Variants in PIBF1 observed in about 807,000 individuals in gnomAD.
PIBF1 encodes the protein progesterone immunomodulatory binding factor 1, also known as progesterone-induced-blocking factor 1.
PIBF1 carries 90 observed loss-of-function variants against 112.5 expected under a neutral mutation model. The observed-to-expected ratio is 0.80, with a 90% CI of 0.67 to 0.95. PIBF1 has a LOEUF of 0.95. PIBF1 is among the 40% of genes least tolerant of loss of function. The pLI is 0.00. For missense variants in PIBF1, 915 were observed against 852.3 expected (o/e 1.07, Z -0.92); for synonymous variants, 301 against 288.6 (o/e 1.04, Z -0.44).
chr13:72,968,370 G>A lies in PIBF1; in HGVS notation c.1964+2966G>A, dbSNP rs910334690. On this transcript the variant is annotated intron_variant, in intron 15 of 17. Transcript: ENST00000326291. ...GACTGGAGTGCAATGGCGCGATCTC[G>A]GCTCACTGCAACCTCCACCTCCCAG... 2.0e-5 allele frequency among the ~76,000 whole-genome samples: 3 copies of A among 150,828 alleles called. No homozygotes were observed. The South Asian group carries it at 6.4e-4, about 32-fold the overall frequency.
chr13:72,808,087 C>T (rs778062332), intron 5 of PIBF1, among the ~76,000 whole-genome samples: 23 of 152,006 alleles, frequency 1.5e-4, no homozygotes, highest in Non-Finnish European at 1.6e-4. Flanking sequence ...GAGTTATTTC[C>T]GATTCAGAGA....
chr13:72,790,421 T>TCACACACACA (rs57599910), intron 2 of PIBF1, among the ~76,000 whole-genome samples: 4,033 of 135,548 alleles, frequency 0.03, 96 homozygotes, highest in East Asian at 0.042. Context: ...GAGGAGTCCA[T>TCACACACACA]CACACACACA....
chr13:72,894,774 T>A (rs199640098), intron 11 of PIBF1, among the ~76,000 whole-genome samples: 728 of 55,058 alleles, frequency 0.013, 3 homozygotes, highest in African/African-American at 0.042. Context: ...ATATATATAG[T>A]GTGTGTGTGT....
intron 17 of PIBF1, among the ~76,000 whole-genome samples, chr13:73,007,861 G>C (rs1248614510): frequency 6.6e-6 from 1 of 150,416 alleles, no homozygotes; most frequent in Non-Finnish European, 1.5e-5. Context: ...CCCCATACAA[G>C]AACAGACCAT....
intron 13 of PIBF1, among the ~76,000 whole-genome samples, chr13:72,927,695 C>G (rs1308862674): frequency 6.6e-6 from 1 of 151,522 alleles, no homozygotes. Context: ...TGATGAAAAA[C>G]AGTTATATTT....
At chr13:72,927,280 C>T (rs970848099) in intron 13 of PIBF1, among the ~76,000 whole-genome samples, 2 of 151,884 alleles carry the variant, frequency 1.3e-5, no homozygotes, top group South Asian at 4.1e-4. Context: ...CCGAGGTGGG[C>T]GGATCACGAG....
At chr13:72,878,719 G>A (rs9573051) in intron 10 of PIBF1, among the ~76,000 whole-genome samples, 41,188 of 152,016 alleles carry the variant, frequency 0.27, 6,763 homozygotes, top group East Asian at 0.47. Flanking sequence ...TAATACTAGC[G>A]TGTTGAAGTC....
At chr13:73,004,217 G>A (rs908724908) in intron 17 of PIBF1, among the ~76,000 whole-genome samples, 4 of 152,084 alleles carry the variant, frequency 2.6e-5, no homozygotes, top group Admixed American at 2.0e-4. Context: ...TTGGCCAGGC[G>A]CGGTGGCTCA....
chr13:72,887,340 ATG>A (rs981993146), intron 10 of PIBF1, among the ~76,000 whole-genome samples: 2 of 151,940 alleles, frequency 1.3e-5, no homozygotes, highest in African/African-American at 4.8e-5. Context: ...ATGGATATAT[ATG>A]TGTGTGAATA....
intron 6 of PIBF1, among the ~76,000 whole-genome samples, chr13:72,825,678 CAA>C (rs2036774686): frequency 6.6e-6 from 1 of 152,188 alleles, no homozygotes; most frequent in Non-Finnish European, 1.5e-5. Flanking sequence ...CATATATTAA[CAA>C]GAGAGAGGGT....
intron 17 of PIBF1, among the ~76,000 whole-genome samples, chr13:73,003,901 G>A (rs907153473): frequency 5.9e-5 from 9 of 151,896 alleles, no homozygotes; most frequent in African/African-American, 1.9e-4. Context: ...TGTAGAGACA[G>A]GGTCTCACTG....
intron 17 of PIBF1, among the ~76,000 whole-genome samples, chr13:73,014,763 T>C (rs2044332658): frequency 3.6e-4 from 1 of 2,752 alleles, no homozygotes; most frequent in Non-Finnish European, 8.8e-3. Context: ...TGATCACAGC[T>C]CACTTCAGCC....
chr13:72,999,107 T>C, intron 17 of PIBF1, 112 bp downstream of exon 17: 1 of 672,230 alleles, frequency 1.5e-6, no homozygotes, highest in Non-Finnish European at 2.5e-6. Flanking sequence ...CACAAATATG[T>C]TTCATGAAAA....
intron 8 of PIBF1, among the ~76,000 whole-genome samples, chr13:72,834,779 C>T (rs1426743875): frequency 6.6e-6 from 1 of 152,102 alleles, no homozygotes; most frequent in African/African-American, 2.4e-5. Flanking sequence ...GCTAAAAGAT[C>T]ACGGTGTGGC....
intron 9 of PIBF1, among the ~76,000 whole-genome samples, chr13:72,850,098 C>T (rs1594046978): frequency 6.6e-6 from 1 of 152,088 alleles, no homozygotes; most frequent in Non-Finnish European, 1.5e-5. Context: ...AATTATGCTG[C>T]GTTTTGCTAA....
chr13:72,991,624 C>A (rs1004482012), intron 16 of PIBF1, among the ~76,000 whole-genome samples: 1 of 152,020 alleles, frequency 6.6e-6, no homozygotes, highest in Admixed American at 6.6e-5. Context: ...TTTGGTGGCT[C>A]ACACCTGTAA....
At chr13:72,820,542 A>G (rs1249244140) in intron 5 of PIBF1, among the ~76,000 whole-genome samples, 3 of 152,176 alleles carry the variant, frequency 2.0e-5, no homozygotes, top group African/African-American at 7.2e-5. Flanking sequence ...TTTTTCCATA[A>G]TTACTTCTCT....
At chr13:72,978,180 A>G (rs2043070400) in intron 16 of PIBF1, among the ~76,000 whole-genome samples, 2 of 152,226 alleles carry the variant, frequency 1.3e-5, no homozygotes, top group African/African-American at 4.8e-5. Context: ...TTATTAAAGA[A>G]CAGTTTAATG....
chr13:72,887,367 C>A (rs1453154555), intron 10 of PIBF1, among the ~76,000 whole-genome samples: 3 of 151,660 alleles, frequency 2.0e-5, no homozygotes, highest in African/African-American at 7.3e-5. Flanking sequence ...TTACATAAAA[C>A]TTGTATACTT....
Sources: gnomAD v4.1 joint callset for allele counts (sites outside exome capture counted in the v4.1 genomes callset) on GRCh38, gnomAD v4.1.1 for gene constraint, MANE v1.5 for transcripts, NCBI Gene and HGNC (gene_info 2026-07-23, HGNC 2026-07-21) for gene names.